The following HELZ variants were observed in gnomAD, a reference collection of about 807,000 sequenced individuals.
The protein encoded by HELZ is helicase with zinc finger, also known as ATP-dependent RNA helicase with zinc finger domain.
HELZ carries 23 observed loss-of-function variants against 218.2 expected under a neutral mutation model. The ratio of observed to expected loss-of-function variants is 0.11; its 90% CI spans 0.08 to 0.15. HELZ has a LOEUF of 0.15. Ranked by LOEUF, HELZ falls within the 10% of genes least tolerant of loss-of-function variation. The pLI, the probability that HELZ is intolerant of heterozygous loss-of-function variation, is 1.00. For synonymous variants in HELZ, 814 were observed against 829.4 expected (o/e 0.98, Z 0.32); for missense variants, 1,813 against 2,353.7 (o/e 0.77, Z 4.75).
intron 3 of HELZ, among the ~76,000 whole-genome samples, chr17:67,227,297 A>G (rs1330692074): frequency 6.6e-6 from 1 of 151,462 alleles, no homozygotes; most frequent in Non-Finnish European, 1.5e-5. Context: ...GGTTCAAGCA[A>G]TTTTCCTGCC....
chr17:67,231,357 G>T (rs1203431977), intron 3 of HELZ, among the ~76,000 whole-genome samples: 1 of 152,058 alleles, frequency 6.6e-6, no homozygotes, highest in Non-Finnish European at 1.5e-5. Flanking sequence ...ACTTTGGGAG[G>T]CCAAGCCAAG....
intron 1 of HELZ, among the ~76,000 whole-genome samples, chr17:67,244,341 A>G (rs1301787524): frequency 2.0e-5 from 3 of 152,150 alleles, no homozygotes; most frequent in Non-Finnish European, 4.4e-5. Context: ...GAGGATCCCG[A>G]TCCAAGAACA....
At chr17:67,114,472 T>C in intron 27 of HELZ, 69 bp from the exon 28 acceptor site, 1 of 901,952 alleles carries the variant, frequency 1.1e-6, no homozygotes, top group Non-Finnish European at 1.8e-6. Context: ...GCTTATCCAA[T>C]ATTAGAGAAA....
chr17:67,137,165 A>G (rs1378010387), intron 22 of HELZ, among the ~76,000 whole-genome samples: 2 of 152,154 alleles, frequency 1.3e-5, no homozygotes, highest in Non-Finnish European at 2.9e-5. Flanking sequence ...AAATAGTAAC[A>G]TATCTATTCC....
intron 2 of HELZ, among the ~76,000 whole-genome samples, chr17:67,242,909 G>T (rs1331860078): frequency 6.7e-6 from 1 of 149,740 alleles, no homozygotes; most frequent in Non-Finnish European, 1.5e-5. Flanking sequence ...TTTGTGAGAG[G>T]ATTTCAAAAT....
At position 67,167,586 on chromosome 17, in the gene HELZ, G is replaced by A. The variant is rs1163101456; in HGVS notation, c.1641C>T (p.Thr547=). 4 of 1,613,764 alleles carry A rather than the reference G, an allele frequency of 2.5e-6. No homozygotes were observed. The highest frequency in any genetic ancestry group is 1.7e-5 in the Admixed American group (1 of 59,998). ...LPVPKQKLVQ[T]QGTKEKVYEA... ...CATAAACCTTCTCTTTGGTTCCCTG[G>A]GTCTGTACTAACTTCTGTTTAGGGA... Residue 547 remains threonine (T), a synonymous_variant, in exon 14 of 33, where the codon ACC becomes ACT. Coordinates refer to ENST00000358691, the MANE Select transcript of HELZ (RefSeq NM_014877.4).
chr17:67,154,702 T>A (rs1391042739), intron 17 of HELZ, among the ~76,000 whole-genome samples: 1 of 152,218 alleles, frequency 6.6e-6, no homozygotes, highest in African/African-American at 2.4e-5. Flanking sequence ...GAGTTCATTT[T>A]TCCATTTTTC....
chr17:67,208,533 G>A (rs1452375971), intron 5 of HELZ, among the ~76,000 whole-genome samples: 2 of 151,992 alleles, frequency 1.3e-5, no homozygotes, highest in Non-Finnish European at 2.9e-5. Flanking sequence ...AATTATTTCA[G>A]AATAAAGAGT....
intron 5 of HELZ, among the ~76,000 whole-genome samples, chr17:67,209,029 G>GAGGA (rs1483378359): frequency 1.6e-5 from 2 of 125,686 alleles, no homozygotes; most frequent in South Asian, 5.6e-4. Flanking sequence ...GGAAGGAAGG[G>GAGGA]AGGAAGGGAG....
rs775411887 is a variant in HELZ, at chr17:67,074,335, G to A, written c.*3917C>T. 19 of 151,500 alleles carry A rather than the reference G, an allele frequency of 1.3e-4. No individual in the cohort carries two copies. The highest frequency in any genetic ancestry group is 2.4e-4 in the Non-Finnish European group (16 of 67,920). 9.4% of individuals were successfully genotyped at this position (151,500 alleles called of 1,614,324 possible). On this transcript the variant is annotated 3_prime_UTR_variant, in exon 33 of 33. Transcript: ENST00000358691. ...TCAATACATTTAAAGTTTTAACCTT[G>A]TATTTTTATAGATTCTTTCTGGGAT... is the stretch of plus-strand genomic sequence containing the variant.
At chr17:67,199,678 A>G (rs947376742) in intron 7 of HELZ, among the ~76,000 whole-genome samples, 1 of 152,222 alleles carries the variant, frequency 6.6e-6, no homozygotes, top group Admixed American at 6.5e-5. Context: ...AAAAAGCCTA[A>G]TAGTAGCAAA....
chr17:67,112,360 A>G (rs2037304855), intron 28 of HELZ, among the ~76,000 whole-genome samples: 1 of 152,218 alleles, frequency 6.6e-6, no homozygotes, highest in Non-Finnish European at 1.5e-5. Flanking sequence ...CTCTGAGAGC[A>G]CCTAAGACTC....
chr17:67,215,741 C>A (rs2040583248), intron 5 of HELZ, 158 bp downstream of exon 5: 2 of 662,982 alleles, frequency 3.0e-6, no homozygotes, highest in African/African-American at 3.7e-5. Context: ...ACAGGTATGC[C>A]CAGCTCAGTG....
chr17:67,233,222 A>AT (rs1408647999), intron 3 of HELZ, among the ~76,000 whole-genome samples: 18 of 152,216 alleles, frequency 1.2e-4, no homozygotes, highest in Non-Finnish European at 2.4e-4. Context: ...GTGTGATGGC[A>AT]TGCCCCTGTG....
chr17:67,184,264 A>G (rs1407294643), intron 12 of HELZ, among the ~76,000 whole-genome samples: 1 of 152,250 alleles, frequency 6.6e-6, no homozygotes, highest in Non-Finnish European at 1.5e-5. Context: ...TGCATGCTGC[A>G]TTTCTAAACT....
Position 67,160,992 on chromosome 17 carries a change from C to A in HELZ, c.1980G>T (p.Gln660His). The stretch of plus-strand genomic sequence containing the variant: ...GTCCGATGATAAGCACAGGCGGCAG[C>A]TGGATTGCAAGTGGAGTGGTAATGG... ...VLAITTPLAIQLPPVLIIGPY... is the reference protein window; with the variant it reads ...VLAITTPLAIHLPPVLIIGPY... The change falls in exon 16 of 33, where the codon CAG (glutamine) becomes CAT (histidine). Residue 660 changes from glutamine (Q) to histidine (H), a missense_variant. Transcript: ENST00000358691. 1 of 1,613,928 alleles carries A rather than the reference C, an allele frequency of 6.2e-7. No homozygotes were observed. The highest frequency in any genetic ancestry group is 1.1e-5 in the South Asian group (1 of 91,042).
At chr17:67,083,662 A>G (rs959966937) in intron 32 of HELZ, among the ~76,000 whole-genome samples, 4 of 152,150 alleles carry the variant, frequency 2.6e-5, no homozygotes, top group African/African-American at 9.7e-5. Flanking sequence ...CAAAAAACAC[A>G]TCTCTAATCT....
In HELZ at chr17:67,107,685, C is replaced by A. The variant is rs373845434; in HGVS notation, c.4725G>T (p.Arg1575Ser). 4 of 1,606,476 alleles carry A rather than the reference C, an allele frequency of 2.5e-6. No homozygotes were observed. In the African/African-American group the frequency reaches 4.0e-5, roughly 16 times the overall value. ...AEDEVETTYS[R>S]FQDLIRELSH... is the part of the protein sequence containing the mutation. ...ACAGTTCTCTGATTAAGTCTTGAAACCTACATGAAAACAATAAAATATGAG... is the reference window on the plus strand; with the variant it reads ...ACAGTTCTCTGATTAAGTCTTGAAAACTACATGAAAACAATAAAATATGAG... Residue 1575 changes from arginine (R) to serine (S), a missense_variant and splice_region_variant, in exon 31 of 33, where the codon AGG becomes AGT. Transcript: ENST00000358691.
At chr17:67,170,887 A>C (rs893696098) in intron 13 of HELZ, among the ~76,000 whole-genome samples, 2 of 152,056 alleles carry the variant, frequency 1.3e-5, no homozygotes, top group African/African-American at 4.8e-5. Context: ...ATGAAGTTAA[A>C]ATTTTACTTT....
Sources: gnomAD v4.1 joint callset for allele counts (sites outside exome capture counted in the v4.1 genomes callset) on GRCh38, gnomAD v4.1.1 for gene constraint, MANE v1.5 for transcripts, NCBI Gene and HGNC (gene_info 2026-07-23, HGNC 2026-07-21) for gene names.